DTNB: variants seen among roughly 807,000 people sequenced by gnomAD.
The protein encoded by DTNB is DTN-B.
In DTNB, 63 loss-of-function variants were observed where a neutral mutation model predicts 90.7. That is an observed-to-expected ratio of 0.69 (90% CI 0.57 to 0.86). The LOEUF is 0.86. DTNB is among the 40% of genes least tolerant of loss of function. DTNB has a pLI of 0.00. For missense variants in DTNB, 744 were observed against 807.1 expected (o/e 0.92, Z 0.95); for synonymous variants, 277 against 286.7 (o/e 0.97, Z 0.34).
intron 3 of DTNB, among the ~76,000 whole-genome samples, chr2:25,628,770 A>G (rs1277769269): frequency 6.6e-6 from 1 of 152,236 alleles, no homozygotes; most frequent in Non-Finnish European, 1.5e-5. Flanking sequence ...TAGCCGAGCA[A>G]CTAAAGCAAC....
chr2:25,607,571 G>A (rs2067409631), intron 4 of DTNB, among the ~76,000 whole-genome samples: 1 of 151,820 alleles, frequency 6.6e-6, no homozygotes, highest in Non-Finnish European at 1.5e-5. Flanking sequence ...AATTTCTGTT[G>A]GCTATGTAGC....
At chr2:25,580,028 G>A (rs963963283) in intron 7 of DTNB, among the ~76,000 whole-genome samples, 7 of 133,262 alleles carry the variant, frequency 5.3e-5, no homozygotes, top group Non-Finnish European at 9.2e-5. Context: ...TGTCACCCAG[G>A]CTGGATGCAG....
chr2:25,435,738 G>A (rs1052761810), intron 12 of DTNB, among the ~76,000 whole-genome samples: 2 of 152,176 alleles, frequency 1.3e-5, no homozygotes, highest in African/African-American at 2.4e-5. Context: ...TCTTGTGTAC[G>A]TACCTAGGAA....
At chr2:25,435,706 TGTTGA>T in intron 12 of DTNB, among the ~76,000 whole-genome samples, 1 of 152,328 alleles carries the variant, frequency 6.6e-6, no homozygotes, top group Middle Eastern at 3.4e-3. Context: ...TGAGCATGTA[TGTTGA>T]GTTATGTTAT....
chr2:25,514,227 T>C (rs752197927), intron 9 of DTNB, among the ~76,000 whole-genome samples: 10 of 152,012 alleles, frequency 6.6e-5, no homozygotes, highest in Non-Finnish European at 1.2e-4. Context: ...CTGAATAACA[T>C]AAACAAATAA....
chr2:25,413,041 G>A (rs527562932), intron 16 of DTNB, among the ~76,000 whole-genome samples: 18 of 152,098 alleles, frequency 1.2e-4, no homozygotes, highest in Admixed American at 3.9e-4. Context: ...ATTTTCAAAC[G>A]ATGCAAATAA....
chr2:25,533,428 C>G (rs957351801), intron 8 of DTNB, among the ~76,000 whole-genome samples: 5 of 152,168 alleles, frequency 3.3e-5, no homozygotes, highest in African/African-American at 1.2e-4. Flanking sequence ...TCTCCCCTAA[C>G]TTCTTTCCAT....
At chr2:25,538,073 C>T (rs547222049) in intron 8 of DTNB, among the ~76,000 whole-genome samples, 7 of 152,214 alleles carry the variant, frequency 4.6e-5, no homozygotes, top group African/African-American at 1.7e-4. Context: ...CTTAAAAATA[C>T]TACAGGTTAT....
At chr2:25,394,564 A>T (rs2041947388) in intron 16 of DTNB, among the ~76,000 whole-genome samples, 2 of 152,230 alleles carry the variant, frequency 1.3e-5, no homozygotes, top group South Asian at 2.1e-4. Context: ...CCCATAAAAA[A>T]GTGGGCTAAG....
intron 2 of DTNB, among the ~76,000 whole-genome samples, chr2:25,649,117 G>A (rs2080232516): frequency 6.8e-6 from 1 of 146,016 alleles, no homozygotes; most frequent in Non-Finnish European, 1.5e-5. Context: ...CCATTCTCCT[G>A]CCTCAGCCTC....
chr2:25,569,837 CTG>C (rs2059560792), intron 8 of DTNB, among the ~76,000 whole-genome samples: 1 of 152,176 alleles, frequency 6.6e-6, no homozygotes, highest in Non-Finnish European at 1.5e-5. Flanking sequence ...GTGGCTCAGA[CTG>C]TAATCCCAGC....
intron 8 of DTNB, among the ~76,000 whole-genome samples, chr2:25,570,124 G>A (rs2059614887): frequency 2.0e-5 from 3 of 151,140 alleles, no homozygotes; most frequent in Non-Finnish European, 4.4e-5. Flanking sequence ...AGGAAATGGT[G>A]TTGGAGGGCT....
At chr2:25,450,452 T>G (rs2059113850) in intron 12 of DTNB, among the ~76,000 whole-genome samples, 1 of 152,214 alleles carries the variant, frequency 6.6e-6, no homozygotes, top group African/African-American at 2.4e-5. Context: ...TACTATAGCT[T>G]TATAGTAAGT....
chr2:25,653,096 T>C (rs1042186531), intron 1 of DTNB: 3 of 152,778 alleles, frequency 2.0e-5, no homozygotes, highest in Non-Finnish European at 4.4e-5. Flanking sequence ...AAAATATACA[T>C]GAATATTCAA....
At chr2:25,499,450 T>C (rs1234170357) in intron 9 of DTNB, among the ~76,000 whole-genome samples, 1 of 152,148 alleles carries the variant, frequency 6.6e-6, no homozygotes, top group Non-Finnish European at 1.5e-5. Flanking sequence ...TCAGTGACCA[T>C]GATGAACAGC....
chr2:25,665,961 A>G (rs1459964559), intron 1 of DTNB, among the ~76,000 whole-genome samples: 1 of 152,186 alleles, frequency 6.6e-6, no homozygotes, highest in African/African-American at 2.4e-5. Context: ...AATCAATATC[A>G]TGTAAAGCAT....
intron 2 of DTNB, among the ~76,000 whole-genome samples, chr2:25,651,980 T>C (rs540490354): frequency 2.2e-3 from 338 of 152,322 alleles, no homozygotes; most frequent in African/African-American, 7.7e-3. Context: ...AAATGCAACC[T>C]TGAGTTGGTC....
At chr2:25,388,668 C>G in intron 16 of DTNB, 1 of 315,080 alleles carries the variant, frequency 3.2e-6, no homozygotes, top group Non-Finnish European at 5.8e-6. Flanking sequence ...GGCCAGGGCT[C>G]TAGAAGGGCT....
At chr2:25,523,512 G>A (rs1315970999) in intron 9 of DTNB, among the ~76,000 whole-genome samples, 2 of 151,870 alleles carry the variant, frequency 1.3e-5, no homozygotes, top group Non-Finnish European at 2.9e-5. Flanking sequence ...ATGGTGGCAC[G>A]CACTTGTAGT....
Sources: gnomAD v4.1 joint callset for allele counts (sites outside exome capture counted in the v4.1 genomes callset) on GRCh38, gnomAD v4.1.1 for gene constraint, MANE v1.5 for transcripts, NCBI Gene and HGNC (gene_info 2026-07-23, HGNC 2026-07-21) for gene names.